SLC24A2: variants seen among roughly 807,000 people sequenced by gnomAD.
The protein encoded by SLC24A2 is solute carrier family 24 member 2, also known as sodium/potassium/calcium exchanger 2.
Under a neutral mutation model 62.0 loss-of-function variants are expected in SLC24A2, and 36 were observed. That is an observed-to-expected ratio of 0.58 (90% confidence interval 0.44 to 0.77). The LOEUF (loss-of-function observed/expected upper bound fraction) is 0.77. SLC24A2 is among the 30% of genes least tolerant of loss of function. The pLI is 0.00. For missense variants in SLC24A2, 846 were observed against 817.9 expected, an observed-to-expected ratio of 1.03 and a Z score of -0.42; for synonymous variants, 358 against 294.0, an observed-to-expected ratio of 1.22 and a Z score of -2.23.
At chr9:20,006,055 C>T in the SLC24A2 span, among the ~76,000 whole-genome samples, 3 of 151,290 alleles carry the variant, frequency 2.0e-5, no homozygotes, top group Non-Finnish European at 4.4e-5. Flanking sequence ...ATTAAAATAC[C>T]CAATTTATCT....
At chr9:19,692,136 C>T (rs935683070) in intron 2 of SLC24A2, among the ~76,000 whole-genome samples, 2 of 152,068 alleles carry the variant, frequency 1.3e-5, no homozygotes, top group African/African-American at 4.8e-5. Context: ...ATACTTATGT[C>T]ATAGATGAAT....
At chr9:19,530,518 GAT>G (rs1308124055) in intron 8 of SLC24A2, among the ~76,000 whole-genome samples, 5 of 152,138 alleles carry the variant, frequency 3.3e-5, no homozygotes, top group Non-Finnish European at 7.3e-5. Context: ...TATTCTTTGA[GAT>G]AACTTCACAA....
At chr9:19,866,251 C>T in the SLC24A2 span, among the ~76,000 whole-genome samples, 11 of 152,056 alleles carry the variant, frequency 7.2e-5, no homozygotes, top group African/African-American at 1.2e-4. Flanking sequence ...ACTGTTGGTG[C>T]GAATGTAAAT....
the SLC24A2 span, among the ~76,000 whole-genome samples, chr9:19,816,548 A>T: frequency 6.6e-6 from 1 of 152,088 alleles, no homozygotes; most frequent in African/African-American, 2.4e-5. Context: ...ATAAGGAAAC[A>T]CCCAAGACTG....
chr9:20,113,268 T>G, the SLC24A2 span, among the ~76,000 whole-genome samples: 2 of 152,142 alleles, frequency 1.3e-5, no homozygotes, highest in Non-Finnish European at 2.9e-5. Flanking sequence ...CCGCACTCCC[T>G]GGAGCCAAAT....
At chr9:19,752,508 C>A (rs1822014415) in intron 2 of SLC24A2, among the ~76,000 whole-genome samples, 1 of 152,162 alleles carries the variant, frequency 6.6e-6, no homozygotes, top group Non-Finnish European at 1.5e-5. Flanking sequence ...ACAGACCATG[C>A]AGTCACGCAA....
chr9:19,821,221 A>C, the SLC24A2 span, among the ~76,000 whole-genome samples: 2,502 of 152,168 alleles, frequency 0.016, 70 homozygotes, highest in African/African-American at 0.057. Flanking sequence ...CTGGTGCTAA[A>C]TCTGAGGGGT....
Position 19,682,682 on chromosome 9 carries a change from C to T in SLC24A2, c.931-60383G>A, listed in dbSNP as rs927485661. ...TAGAGGTGACCTCTAAATACACAAA[C>T]GTACTGTAAGAAATATCCATAGGAA... On this transcript the variant is annotated intron_variant, in intron 2 of 10. Transcript: ENST00000341998. 9.9e-5 allele frequency among the ~76,000 whole-genome samples: 15 copies of T among 152,156 alleles called. No homozygotes were observed. The South Asian group carries it at 2.5e-3, about 25-fold the overall frequency.
At chr9:19,956,619 G>A in the SLC24A2 span, among the ~76,000 whole-genome samples, 1 of 152,196 alleles carries the variant, frequency 6.6e-6, no homozygotes, top group African/African-American at 2.4e-5. Context: ...GCAAGAGAGA[G>A]AGCTTGTGAA....
the SLC24A2 span, among the ~76,000 whole-genome samples, chr9:20,074,357 T>C: frequency 6.6e-6 from 1 of 151,960 alleles, no homozygotes; most frequent in East Asian, 1.9e-4. Context: ...GAAATTGACA[T>C]GGCATCATTG....
At chr9:19,537,095 G>C (rs943552222) in intron 8 of SLC24A2, among the ~76,000 whole-genome samples, 2 of 151,456 alleles carry the variant, frequency 1.3e-5, no homozygotes, top group African/African-American at 4.9e-5. Context: ...GTAGATTCTG[G>C]ATATTAGCCC....
the SLC24A2 span, among the ~76,000 whole-genome samples, chr9:20,222,695 A>C: frequency 6.6e-6 from 1 of 152,108 alleles, no homozygotes; most frequent in African/African-American, 2.4e-5. Context: ...TCTATGCCAT[A>C]CCCCTTAAGT....
chr9:20,178,824 C>G, the SLC24A2 span, among the ~76,000 whole-genome samples: 15 of 152,102 alleles, frequency 9.9e-5, no homozygotes, highest in African/African-American at 3.1e-4. Context: ...CATATTGATA[C>G]ATTTAGAGTT....
chr9:19,802,233 A>T, the SLC24A2 span, among the ~76,000 whole-genome samples: 1 of 152,204 alleles, frequency 6.6e-6, no homozygotes, highest in Non-Finnish European at 1.5e-5. Flanking sequence ...TGTATTCTTT[A>T]TAAAACTCTG....
At chr9:19,869,272 C>T in the SLC24A2 span, among the ~76,000 whole-genome samples, 3 of 152,196 alleles carry the variant, frequency 2.0e-5, no homozygotes, top group Admixed American at 6.5e-5. Flanking sequence ...TGAGCTACTG[C>T]ACCCAGTCTA....
At chr9:19,996,787 C>T in the SLC24A2 span, among the ~76,000 whole-genome samples, 1 of 150,808 alleles carries the variant, frequency 6.6e-6, no homozygotes, top group Admixed American at 6.6e-5. Flanking sequence ...TCATGATTAT[C>T]CTATGCCTTC....
At chr9:19,645,009 T>C (rs138397469) in intron 2 of SLC24A2, among the ~76,000 whole-genome samples, 1 of 152,282 alleles carries the variant, frequency 6.6e-6, no homozygotes, top group African/African-American at 2.4e-5. Flanking sequence ...ATCAGAAATA[T>C]ACAGTGCTTA....
At chr9:19,773,072 T>G (rs1305699583) in intron 2 of SLC24A2, among the ~76,000 whole-genome samples, 1 of 152,194 alleles carries the variant, frequency 6.6e-6, no homozygotes, top group Non-Finnish European at 1.5e-5. Flanking sequence ...AAAAGCCACA[T>G]ATTATATAAA....
the SLC24A2 span, among the ~76,000 whole-genome samples, chr9:20,229,559 G>C: frequency 4.0e-5 from 6 of 151,852 alleles, no homozygotes; most frequent in Admixed American, 3.9e-4. Context: ...CAAGGGCCTG[G>C]GGATACAAAA....
Sources: allele counts gnomAD v4.1 joint callset (sites outside exome capture counted in the v4.1 genomes callset), GRCh38; gene constraint gnomAD v4.1.1; transcripts MANE v1.5; gene names NCBI Gene and HGNC (gene_info 2026-07-23, HGNC 2026-07-21).